The following PRLR variants were observed in gnomAD, a reference collection of about 807,000 sequenced individuals.
PRLR encodes the protein hPRL receptor.
Under a neutral mutation model 40.2 loss-of-function variants are expected in PRLR, and 13 were observed. The observed-to-expected ratio is 0.32, with a 90% CI of 0.21 to 0.51. The LOEUF is 0.51. Among genes scored for constraint, PRLR ranks in the 20% least tolerant of loss-of-function variants. The pLI, the probability that PRLR is intolerant of heterozygous loss-of-function variation, is 0.97. For synonymous variants in PRLR, 269 were observed against 278.7 expected (o/e 0.97, Z 0.35); for missense variants, 656 against 747.3 (o/e 0.88, Z 1.42).
chr5:35,159,612 A>G (rs1270504949), intron 1 of PRLR, among the ~76,000 whole-genome samples: 1 of 152,202 alleles, frequency 6.6e-6, no homozygotes, highest in Non-Finnish European at 1.5e-5. Flanking sequence ...GCTCAGGCAG[A>G]CCCAAGGAAT....
At chr5:35,101,811 T>C (rs888607493) in intron 2 of PRLR, among the ~76,000 whole-genome samples, 14 of 148,060 alleles carry the variant, frequency 9.5e-5, no homozygotes, top group Non-Finnish European at 1.8e-4. Context: ...AAATAACATA[T>C]ATATGTTTTA....
At chr5:35,206,758 A>G (rs1776030873) in intron 1 of PRLR, among the ~76,000 whole-genome samples, 1 of 152,112 alleles carries the variant, frequency 6.6e-6, no homozygotes, top group African/African-American at 2.4e-5. Flanking sequence ...AAAAATTAAA[A>G]GTAAACCCAA....
intron 2 of PRLR, among the ~76,000 whole-genome samples, chr5:35,090,792 T>C (rs1361074879): frequency 3.5e-5 from 1 of 28,736 alleles, no homozygotes. Flanking sequence ...CAATTAGCTC[T>C]TTTTTTTTTT....
At chr5:35,073,403 T>G (rs1769872418) in intron 5 of PRLR, among the ~76,000 whole-genome samples, 1 of 152,344 alleles carries the variant, frequency 6.6e-6, no homozygotes, top group Middle Eastern at 3.4e-3. Flanking sequence ...CTTAGCGAAT[T>G]CCCATTAGCA....
At chr5:35,159,527 G>T (rs1378864668) in intron 1 of PRLR, among the ~76,000 whole-genome samples, 1 of 152,072 alleles carries the variant, frequency 6.6e-6, no homozygotes, top group Non-Finnish European at 1.5e-5. Context: ...TGAATTTCAA[G>T]GGAATGTTTG....
intron 2 of PRLR, among the ~76,000 whole-genome samples, chr5:35,107,974 A>G (rs1455836146): frequency 6.6e-6 from 1 of 152,220 alleles, no homozygotes; most frequent in East Asian, 1.9e-4. Context: ...AAAAATCTTC[A>G]ATAAAACACT....
chr5:35,133,674 TTTCCC>T (rs1406635709), intron 1 of PRLR, among the ~76,000 whole-genome samples: 1 of 152,216 alleles, frequency 6.6e-6, no homozygotes, highest in African/African-American at 2.4e-5. Flanking sequence ...GTTTCAGGCT[TTTCCC>T]ATCAGATTAA....
At chr5:35,206,282 AAAGG>A (rs1423338810) in intron 1 of PRLR, among the ~76,000 whole-genome samples, 3 of 152,170 alleles carry the variant, frequency 2.0e-5, no homozygotes, top group African/African-American at 7.2e-5. Context: ...ATACACCCTA[AAAGG>A]ATAAATGGGA....
At chr5:35,123,361 A>G (rs904714072) in intron 1 of PRLR, among the ~76,000 whole-genome samples, 5 of 152,210 alleles carry the variant, frequency 3.3e-5, no homozygotes, top group African/African-American at 1.2e-4. Flanking sequence ...TTTGAGAACC[A>G]AGCTTCTTAA....
intron 1 of PRLR, among the ~76,000 whole-genome samples, chr5:35,215,317 T>A (rs950746455): frequency 6.6e-6 from 1 of 152,200 alleles, no homozygotes; most frequent in Non-Finnish European, 1.5e-5. Flanking sequence ...TTTTAGGGCC[T>A]TTGAGGCTCA....
At chr5:35,167,559 G>T (rs1426890301) in intron 1 of PRLR, among the ~76,000 whole-genome samples, 2 of 151,952 alleles carry the variant, frequency 1.3e-5, no homozygotes, top group Admixed American at 1.3e-4. Context: ...TGGGAAAAAA[G>T]AAAGTTCATT....
intron 5 of PRLR, among the ~76,000 whole-genome samples, chr5:35,083,176 A>C (rs371302873): frequency 4.1e-4 from 63 of 152,218 alleles, no homozygotes; most frequent in African/African-American, 1.5e-3. Flanking sequence ...TCCATAAAGA[A>C]GACTGTGAAT....
chr5:35,178,534 T>A (rs1775208281), intron 1 of PRLR, among the ~76,000 whole-genome samples: 1 of 152,202 alleles, frequency 6.6e-6, no homozygotes, highest in African/African-American at 2.4e-5. Context: ...GTTAACGGTA[T>A]TAGTTATTAC....
chr5:35,066,299 T>A, intron 9 of PRLR, among the ~76,000 whole-genome samples, 197 bp from the exon 10 acceptor site: 1 of 152,122 alleles, frequency 6.6e-6, no homozygotes, highest in Admixed American at 6.5e-5. Flanking sequence ...CAACTCAGGA[T>A]ATTTAACGTA....
intron 6 of PRLR, among the ~76,000 whole-genome samples, chr5:35,072,113 G>C (rs183246804): frequency 2.6e-5 from 4 of 151,940 alleles, no homozygotes; most frequent in Admixed American, 2.6e-4. Context: ...GGCCAGGCTT[G>C]TCTTGAACTC....
At chr5:35,050,346 C>A (rs1768453252) in intron 8 of PRLR, among the ~76,000 whole-genome samples, 1 of 152,160 alleles carries the variant, frequency 6.6e-6, no homozygotes, top group Non-Finnish European at 1.5e-5. Context: ...AATATCAATC[C>A]AAGATCCTAC....
chr5:35,165,467 A>G (rs757213760), intron 1 of PRLR, among the ~76,000 whole-genome samples: 1 of 152,198 alleles, frequency 6.6e-6, no homozygotes, highest in Non-Finnish European at 1.5e-5. Flanking sequence ...CTTCTTTTAC[A>G]CAAAGGTTCT....
At chr5:35,123,312 A>G (rs1313565468) in intron 1 of PRLR, among the ~76,000 whole-genome samples, 3 of 152,224 alleles carry the variant, frequency 2.0e-5, no homozygotes, top group Non-Finnish European at 4.4e-5. Context: ...GTTTCTAAAC[A>G]CTTTAATGCT....
rs763527712 is a variant in PRLR at position 35,212,072 on chromosome 5, C to T, written c.-106+18196G>A. Reference sequence around the variant, plus strand: ...TCTTTATGAAAAGTATTGCTGACTCCGGTCTAGAACACATTAGGAACATCC... The same window carrying T: ...TCTTTATGAAAAGTATTGCTGACTCTGGTCTAGAACACATTAGGAACATCC... On this transcript the variant is annotated intron_variant, in intron 1 of 9. Transcript: ENST00000618457. Among the ~76,000 whole-genome samples, 16 of 152,290 alleles carry T rather than the reference C, an allele frequency of 1.1e-4. No homozygotes were observed. The South Asian group carries it at 1.5e-3, about 14-fold the overall frequency.
Sources: allele counts gnomAD v4.1 joint callset (sites outside exome capture counted in the v4.1 genomes callset), GRCh38; gene constraint gnomAD v4.1.1; transcripts MANE v1.5; gene names NCBI Gene and HGNC (gene_info 2026-07-23, HGNC 2026-07-21).